Variants in GALNT13 observed in about 807,000 individuals in gnomAD.
GALNT13 encodes polypeptide N-acetylgalactosaminyltransferase 13.
In GALNT13, 28 loss-of-function variants were observed where a neutral mutation model predicts 64.2. The ratio of observed to expected loss-of-function variants is 0.44; its 90% confidence interval spans 0.32 to 0.60. The LOEUF (loss-of-function observed/expected upper bound fraction) is 0.60. Among genes scored for constraint, GALNT13 ranks in the 20% least tolerant of loss-of-function variants. The pLI, the probability that GALNT13 is intolerant of heterozygous loss-of-function variation, is 0.05. For missense variants in GALNT13, 577 were observed against 669.8 expected (o/e 0.86, Z 1.53); for synonymous variants, 214 against 224.6 (o/e 0.95, Z 0.42).
the GALNT13 span, among the ~76,000 whole-genome samples, chr2:153,654,803 T>G: frequency 0.89 from 135,484 of 151,988 alleles, 60,427 homozygotes; most frequent in East Asian, 0.92. Flanking sequence ...AAAAGAACTT[T>G]AGCATTTGTG....
the GALNT13 span, among the ~76,000 whole-genome samples, chr2:153,556,211 G>A: frequency 6.6e-6 from 1 of 151,950 alleles, no homozygotes; most frequent in Non-Finnish European, 1.5e-5. Context: ...TGATAGCCCA[G>A]TGAAATAATT....
the GALNT13 span, among the ~76,000 whole-genome samples, chr2:153,679,567 G>A: frequency 2.0e-5 from 3 of 151,764 alleles, no homozygotes; most frequent in African/African-American, 7.3e-5. Context: ...TCCAATTATA[G>A]TCCTGTTAAA....
chr2:153,286,696 T>C, the GALNT13 span, among the ~76,000 whole-genome samples: 3 of 152,218 alleles, frequency 2.0e-5, no homozygotes, highest in African/African-American at 4.8e-5. Flanking sequence ...AATCGTGTTA[T>C]AATGATTGGG....
At chr2:153,814,379 G>C in the GALNT13 span, among the ~76,000 whole-genome samples, 2 of 152,170 alleles carry the variant, frequency 1.3e-5, no homozygotes, top group Non-Finnish European at 1.5e-5. Context: ...GGCGGAGCTT[G>C]CGGTAAGCCG....
At chr2:154,163,885 T>G (rs1004260115) in intron 4 of GALNT13, among the ~76,000 whole-genome samples, 12 of 152,200 alleles carry the variant, frequency 7.9e-5, no homozygotes, top group African/African-American at 2.7e-4. Flanking sequence ...CAGTTCTCAC[T>G]CTGTATTTCA....
chr2:154,130,275 C>T (rs2105544392), intron 3 of GALNT13, among the ~76,000 whole-genome samples: 1 of 152,124 alleles, frequency 6.6e-6, no homozygotes, highest in Non-Finnish European at 1.5e-5. Context: ...CATTGCCTTA[C>T]CAACCAGGAG....
chr2:154,268,467 T>C (rs1284399476), intron 8 of GALNT13, among the ~76,000 whole-genome samples: 1 of 152,186 alleles, frequency 6.6e-6, no homozygotes. Flanking sequence ...AAACTTTTAG[T>C]GGTAATGTAT....
At chr2:153,653,464 G>T in the GALNT13 span, among the ~76,000 whole-genome samples, 2 of 152,158 alleles carry the variant, frequency 1.3e-5, no homozygotes, top group Admixed American at 1.3e-4. Context: ...GATTGTGCTT[G>T]TGTTTGAAAA....
chr2:154,095,094 A>G (rs1255223378), intron 3 of GALNT13, among the ~76,000 whole-genome samples: 1 of 151,846 alleles, frequency 6.6e-6, no homozygotes, highest in Non-Finnish European at 1.5e-5. Context: ...ATAATTGACT[A>G]ATGTTAGAAA....
chr2:154,203,919 T>C (rs947516285), intron 4 of GALNT13, among the ~76,000 whole-genome samples: 3 of 152,186 alleles, frequency 2.0e-5, no homozygotes, highest in African/African-American at 7.2e-5. Context: ...ACTCCTTCAA[T>C]AGTGATTCTC....
At chr2:153,303,483 A>C in the GALNT13 span, among the ~76,000 whole-genome samples, 20 of 152,280 alleles carry the variant, frequency 1.3e-4, no homozygotes, top group Non-Finnish European at 2.4e-4. Context: ...TCTATGTATA[A>C]GAGCATATTG....
the GALNT13 span, among the ~76,000 whole-genome samples, chr2:153,447,879 C>A: frequency 3.7e-4 from 57 of 152,236 alleles, no homozygotes; most frequent in Middle Eastern, 3.4e-3. Flanking sequence ...TCATTGTGAT[C>A]AAATTTTAAA....
intron 11 of GALNT13, among the ~76,000 whole-genome samples, chr2:154,431,666 C>T (rs959908191): frequency 6.6e-6 from 1 of 152,152 alleles, no homozygotes; most frequent in African/African-American, 2.4e-5. Context: ...GCTGTGTCTC[C>T]ACCAAAATCT....
the GALNT13 span, among the ~76,000 whole-genome samples, chr2:153,097,002 TA>T: frequency 6.6e-6 from 1 of 152,142 alleles, no homozygotes; most frequent in East Asian, 1.9e-4. Flanking sequence ...TGATATGATT[TA>T]TTTTTTTGCT....
At chr2:153,256,358 A>T in the GALNT13 span, among the ~76,000 whole-genome samples, 1 of 152,252 alleles carries the variant, frequency 6.6e-6, no homozygotes, top group Admixed American at 6.5e-5. Context: ...TAGTCTAGTT[A>T]TACATTCGTC....
intron 3 of GALNT13, among the ~76,000 whole-genome samples, chr2:154,014,777 C>T (rs1389966261): frequency 1.3e-4 from 19 of 150,958 alleles, no homozygotes; most frequent in East Asian, 2.0e-4. Flanking sequence ...GGACTACAGG[C>T]GCCCACCACC....
chr2:153,079,729 A>G, the GALNT13 span, among the ~76,000 whole-genome samples: 1 of 152,170 alleles, frequency 6.6e-6, no homozygotes, highest in East Asian at 1.9e-4. Flanking sequence ...GTCCCTGGTC[A>G]TTTGGTACCT....
the GALNT13 span, among the ~76,000 whole-genome samples, chr2:153,681,550 A>C: frequency 0.24 from 35,980 of 151,684 alleles, 4,889 homozygotes; most frequent in Middle Eastern, 0.44. Context: ...TTTAAAAAGC[A>C]ACAGAAAGAC....
chr2:153,589,194 A>G, the GALNT13 span, among the ~76,000 whole-genome samples: 1 of 152,136 alleles, frequency 6.6e-6, no homozygotes, highest in Non-Finnish European at 1.5e-5. Context: ...CACCTCTCTC[A>G]AGTTCAAAAT....
Sources: gnomAD v4.1 joint callset for allele counts (sites outside exome capture counted in the v4.1 genomes callset) on GRCh38, gnomAD v4.1.1 for gene constraint, MANE v1.5 for transcripts, NCBI Gene and HGNC (gene_info 2026-07-23, HGNC 2026-07-21) for gene names.